Variants in DYM observed in about 807,000 individuals in gnomAD.
DYM encodes dyggve-Melchior-Clausen syndrome protein.
A neutral mutation model predicts 93.1 loss-of-function variants in DYM; 78 were observed. The observed-to-expected ratio is 0.84, with a 90% confidence interval of 0.70 to 1.01. DYM has a LOEUF of 1.01. DYM is among the 50% of genes least tolerant of loss of function. DYM has a pLI of 0.00. For synonymous variants in DYM, 321 were observed against 319.7 expected (o/e 1.00, Z -0.04); for missense variants, 789 against 845.0 (o/e 0.93, Z 0.82).
chr18:49,144,143 T>G lies in DYM; in HGVS notation c.1728+19542A>C, dbSNP rs186047326. On this transcript the variant is annotated intron_variant, in intron 15 of 17. Transcript: ENST00000675505. ...TAATTGGTCTTCATTAATGTGTTTT[T>G]CTCTCTCTCCTTTCTTATTGCAATT... Among the ~76,000 whole-genome samples the G allele has an allele frequency of 5.2e-3, 798 of 152,256 alleles. 1 individual carries two copies. Among genetic ancestry groups the G allele is most frequent in the South Asian group, 0.014 (66 of 4,828 alleles).
intron 15 of DYM, among the ~76,000 whole-genome samples, chr18:49,143,733 T>C (rs187514582): frequency 6.2e-4 from 94 of 152,318 alleles, no homozygotes; most frequent in African/African-American, 2.2e-3. Flanking sequence ...ATTCATACGC[T>C]GTATAACCTC....
chr18:49,443,998 G>A (rs779376592), intron 1 of DYM, among the ~76,000 whole-genome samples: 2 of 152,164 alleles, frequency 1.3e-5, no homozygotes, highest in Non-Finnish European at 2.9e-5. Context: ...TACTAATTCA[G>A]CACAATCTGA....
intron 2 of DYM, 135 bp from the exon 3 acceptor site, chr18:49,391,780 ATC>A: frequency 1.5e-6 from 1 of 660,578 alleles, no homozygotes; most frequent in Admixed American, 3.1e-5. Context: ...GAACAATAAG[ATC>A]AGCAAAAAAA....
intron 15 of DYM, among the ~76,000 whole-genome samples, chr18:49,155,292 A>C (rs1299286446): frequency 2.6e-5 from 4 of 152,208 alleles, no homozygotes; most frequent in Non-Finnish European, 5.9e-5. Context: ...AATGCTAGCC[A>C]TGCTGATCTT....
At chr18:49,189,697 A>AT (rs1361083083) in intron 14 of DYM, among the ~76,000 whole-genome samples, 4 of 152,202 alleles carry the variant, frequency 2.6e-5, no homozygotes, top group African/African-American at 9.6e-5. Context: ...AGAACCACAA[A>AT]TTATTACTGT....
intron 6 of DYM, among the ~76,000 whole-genome samples, chr18:49,340,670 T>C (rs527794215): frequency 6.6e-6 from 1 of 152,206 alleles, no homozygotes; most frequent in African/African-American, 2.4e-5. Context: ...CATAAGAGGT[T>C]GGGGAACATA....
At chr18:49,258,296 C>T in intron 12 of DYM, 84 bp downstream of exon 12, 3 of 907,754 alleles carry the variant, frequency 3.3e-6, no homozygotes. Flanking sequence ...AGAATTTTAG[C>T]ATCCTAAAAA....
intron 13 of DYM, among the ~76,000 whole-genome samples, chr18:49,223,754 A>G (rs1489226030): frequency 1.3e-5 from 2 of 152,116 alleles, no homozygotes; most frequent in Non-Finnish European, 2.9e-5. Flanking sequence ...CAAGATGACT[A>G]AAGATAAGCA....
intron 11 of DYM, among the ~76,000 whole-genome samples, chr18:49,262,430 G>A (rs1216996841): frequency 6.6e-6 from 1 of 152,154 alleles, no homozygotes; most frequent in Non-Finnish European, 1.5e-5. Context: ...AAGACACTAA[G>A]TATCTTTCAT....
chr18:49,353,860 G>T (rs1336321730), intron 6 of DYM, among the ~76,000 whole-genome samples: 1 of 152,034 alleles, frequency 6.6e-6, no homozygotes, highest in Admixed American at 6.6e-5. Flanking sequence ...GTGATCTACA[G>T]ATGCAACACA....
intron 1 of DYM, among the ~76,000 whole-genome samples, chr18:49,439,508 G>T (rs1457404101): frequency 6.6e-6 from 1 of 152,080 alleles, no homozygotes; most frequent in Admixed American, 6.6e-5. Flanking sequence ...GCATGAATCA[G>T]GCCTTACACT....
intron 14 of DYM, among the ~76,000 whole-genome samples, chr18:49,196,995 A>G (rs141357092): frequency 1.2e-4 from 18 of 152,302 alleles, no homozygotes; most frequent in Admixed American, 7.2e-4. Context: ...GTGAGGATGA[A>G]TACAGCAGGT....
At chr18:49,449,125 G>A (rs371699912) in intron 1 of DYM, among the ~76,000 whole-genome samples, 12 of 152,218 alleles carry the variant, frequency 7.9e-5, no homozygotes, top group African/African-American at 2.9e-4. Flanking sequence ...TGTCACTAGG[G>A]TTCAAGTTCC....
intron 5 of DYM, among the ~76,000 whole-genome samples, chr18:49,365,467 T>C (rs141524601): frequency 4.5e-4 from 68 of 152,286 alleles, no homozygotes; most frequent in African/African-American, 1.6e-3. Flanking sequence ...GACTGCATGA[T>C]TAGTTACCAG....
intron 2 of DYM, among the ~76,000 whole-genome samples, chr18:49,425,382 C>T (rs1033417318): frequency 6.6e-5 from 10 of 152,120 alleles, no homozygotes; most frequent in Non-Finnish European, 1.2e-4. Context: ...ACACCTCATA[C>T]AAAAATTAAT....
intron 1 of DYM, among the ~76,000 whole-genome samples, chr18:49,459,430 C>T (rs188900769): frequency 6.6e-5 from 10 of 152,256 alleles, no homozygotes; most frequent in Admixed American, 3.9e-4. Flanking sequence ...ACCATTCACC[C>T]ATTCCTATAG....
intron 14 of DYM, among the ~76,000 whole-genome samples, chr18:49,196,188 A>C (rs1337848158): frequency 1.3e-5 from 2 of 152,076 alleles, no homozygotes; most frequent in Non-Finnish European, 2.9e-5. Flanking sequence ...GGCCTTCCAA[A>C]GTGCTGGGAT....
intron 13 of DYM, among the ~76,000 whole-genome samples, chr18:49,216,120 G>A (rs1274480174): frequency 6.6e-6 from 1 of 152,218 alleles, no homozygotes; most frequent in Non-Finnish European, 1.5e-5. Flanking sequence ...GGCTCGGAGG[G>A]TCCTACACCC....
rs557611534 is a variant in DYM, at chr18:49,040,560, C to A, written c.*3495G>T. 7.5e-4 allele frequency among the ~76,000 whole-genome samples: 114 copies of A among 152,320 alleles called. No homozygotes were observed. The highest frequency in any genetic ancestry group is 1.5e-3 in the Non-Finnish European group (99 of 68,024). ...TTCATCACTGAATAGAAACTGACCT[C>A]TTTGACTCCAGGAGGTGATGTAGGA... On this transcript the variant is annotated 3_prime_UTR_variant, in exon 18 of 18. Coordinates refer to ENST00000675505, the MANE Select transcript of DYM (RefSeq NM_001353214.3).
Sources: gnomAD v4.1 joint callset for allele counts (sites outside exome capture counted in the v4.1 genomes callset) on GRCh38, gnomAD v4.1.1 for gene constraint, MANE v1.5 for transcripts, NCBI Gene and HGNC (gene_info 2026-07-23, HGNC 2026-07-21) for gene names.